Variants in VIPR2 observed in about 807,000 individuals in gnomAD.
The protein encoded by VIPR2 is vasoactive intestinal peptide receptor 2.
A neutral mutation model predicts 58.0 loss-of-function variants in VIPR2; 48 were observed. That is an observed-to-expected ratio of 0.83 (90% confidence interval 0.66 to 1.05). The LOEUF (loss-of-function observed/expected upper bound fraction) is 1.05, where lower values mean the gene tolerates loss of function less well. Among genes scored for constraint, VIPR2 ranks in the 50% least tolerant of loss-of-function variants. The pLI is 0.00. For missense variants in VIPR2, 534 were observed against 558.0 expected, an observed-to-expected ratio of 0.96 and a Z score of 0.43; for synonymous variants, 243 against 235.2, an observed-to-expected ratio of 1.03 and a Z score of -0.30.
chr7:159,117,299 G>T lies in VIPR2; in HGVS notation c.152-7380C>A, dbSNP rs568344715. Reference sequence around the variant, plus strand: ...GCTTCCTGTGACTTAATTTCTCAATGATTTTGTAATTATAAAAGCACTGGT... The same window carrying T: ...GCTTCCTGTGACTTAATTTCTCAATTATTTTGTAATTATAAAAGCACTGGT... On this transcript the variant is annotated intron_variant, in intron 2 of 12. Transcript: ENST00000262178. The T allele has an allele frequency of 8.4e-6, 6 of 717,452 alleles. No homozygotes were observed. The East Asian group carries it at 1.6e-4, about 19-fold the overall frequency. 44.4% of individuals were successfully genotyped at this position (717,452 alleles called of 1,614,324 possible). A position where few individuals can be genotyped will look rare whatever the true frequency, so the allele number is the denominator to read the frequency against.
At chr7:159,082,149 T>C (rs1219563834) in intron 4 of VIPR2, among the ~76,000 whole-genome samples, 1 of 152,198 alleles carries the variant, frequency 6.6e-6, no homozygotes, top group Non-Finnish European at 1.5e-5. Flanking sequence ...CATGCTGCTA[T>C]AAAGACACAT....
chr7:159,127,010 C>G lies in VIPR2; in HGVS notation c.151+15436G>C, dbSNP rs1796675923. 6.6e-6 allele frequency among the ~76,000 whole-genome samples: 1 copy of G among 152,174 alleles called. No homozygotes were observed. The highest frequency in any genetic ancestry group is 6.5e-5 in the Admixed American group (1 of 15,280). On this transcript the variant is annotated intron_variant, in intron 2 of 12. Coordinates refer to ENST00000262178, the MANE Select transcript of VIPR2 (RefSeq NM_003382.5). The surrounding 1 kb of genome is among the most constrained non-coding windows in gnomAD (Gnocchi z 4.6). ...TAACATCCCCCTGGCTGGCAAGAGTCCCCTCCTGGTCCCTAAGAGAAACAG... is the reference window on the plus strand; with the variant it reads ...TAACATCCCCCTGGCTGGCAAGAGTGCCCTCCTGGTCCCTAAGAGAAACAG...
Position 159,031,566 on chromosome 7 carries a change from C to A in VIPR2, c.1143+262G>T. 1.0e-6 allele frequency: 1 copy of A among 985,400 alleles called. No individual in the cohort carries two copies. The highest frequency in any genetic ancestry group is 1.7e-5 in the African/African-American group (1 of 57,366). The allele number at this position is 985,400 out of a possible 1,614,324, so 61.0% of individuals were successfully genotyped here. On this transcript the variant is annotated intron_variant, in intron 12 of 12. Coordinates refer to ENST00000262178, the MANE Select transcript of VIPR2 (RefSeq NM_003382.5). This position sits in a 1 kb window ranked among gnomAD's most constrained non-coding sequence, Gnocchi z 4.0. ...TGTCTAGACCCGGCCGGGAGCTTTC[C>A]CGAGAGGGCTCCGAGACGGACGGCA... is the stretch of plus-strand genomic sequence containing the variant.
At chr7:159,066,342 T>C (rs922428920) in intron 4 of VIPR2, among the ~76,000 whole-genome samples, 2 of 151,094 alleles carry the variant, frequency 1.3e-5, no homozygotes, top group African/African-American at 4.9e-5. Context: ...ACAACGTCTG[T>C]GGGATTCCAG....
intron 2 of VIPR2, among the ~76,000 whole-genome samples, chr7:159,137,194 C>T (rs907910809): frequency 6.6e-6 from 1 of 152,176 alleles, no homozygotes; most frequent in African/African-American, 2.4e-5. Context: ...ACCCAGGCAA[C>T]AGCTCCGTTC....
intron 5 of VIPR2, among the ~76,000 whole-genome samples, chr7:159,047,916 C>T (rs1471785526): frequency 6.6e-6 from 1 of 152,050 alleles, no homozygotes; most frequent in Non-Finnish European, 1.5e-5. Context: ...AGCAAAATGA[C>T]AATATAATTT....
intron 10 of VIPR2, 25 bp downstream of exon 10, chr7:159,034,188 C>G (rs762150384): frequency 6.2e-6 from 10 of 1,610,784 alleles, no homozygotes; most frequent in Non-Finnish European, 8.5e-6. Context: ...CCATCAGGGA[C>G]GGCCAGGCCG....
intron 2 of VIPR2, among the ~76,000 whole-genome samples, chr7:159,125,613 C>T (rs1671756916): frequency 6.6e-6 from 1 of 152,168 alleles, no homozygotes; most frequent in Non-Finnish European, 1.5e-5. Context: ...TGATTTCTAC[C>T]CCCAGCCCTA....
intron 5 of VIPR2, among the ~76,000 whole-genome samples, chr7:159,047,100 T>G (rs1247402723): frequency 2.6e-5 from 4 of 152,102 alleles, no homozygotes; most frequent in Non-Finnish European, 5.9e-5. Flanking sequence ...CCGGGCTTGG[T>G]GGTGGGTGCC....
At chr7:159,117,448 G>A in intron 2 of VIPR2, 1 of 716,924 alleles carries the variant, frequency 1.4e-6, no homozygotes. Context: ...GAAACATAGT[G>A]CCGCACCACA....
intron 5 of VIPR2, among the ~76,000 whole-genome samples, chr7:159,053,225 A>G (rs549826854): frequency 6.6e-6 from 1 of 152,176 alleles, no homozygotes; most frequent in African/African-American, 2.4e-5. Context: ...CTGGGATTAT[A>G]GGCATGAGCT....
intron 2 of VIPR2, among the ~76,000 whole-genome samples, chr7:159,141,354 A>T (rs929922273): frequency 1.3e-5 from 2 of 152,282 alleles, no homozygotes; most frequent in Non-Finnish European, 2.9e-5. Flanking sequence ...GAAGCCTCGG[A>T]GGCAGAGCCT....
At position 159,099,693 on chromosome 7, in the gene VIPR2, G is replaced by T. The variant is rs778685094; in HGVS notation, c.357+4064C>A. Among the ~76,000 whole-genome samples, 1 of 152,108 alleles carries T rather than the reference G, an allele frequency of 6.6e-6. No individual in the cohort carries two copies. Among genetic ancestry groups the T allele is most frequent in the Non-Finnish European group, 1.5e-5 (1 of 68,002 alleles). ...CTAATGTCTCCCAGGCACAGTTGCC[G>T]GCTAGGTGCAGACGAAGATGAAGAC... On this transcript the variant is annotated intron_variant, in intron 4 of 12. Coordinates refer to ENST00000262178, the MANE Select transcript of VIPR2 (RefSeq NM_003382.5). This position sits in a 1 kb window ranked among gnomAD's most constrained non-coding sequence, Gnocchi z 4.2.
At position 159,099,444 on chromosome 7, in the gene VIPR2, G is replaced by A. The variant is rs1199985630; in HGVS notation, c.357+4313C>T. 6.6e-6 allele frequency among the ~76,000 whole-genome samples: 1 copy of A among 152,158 alleles called. No individual in the cohort carries two copies. Among genetic ancestry groups the A allele is most frequent in the Non-Finnish European group, 1.5e-5 (1 of 68,028 alleles). ...GGAGGAGACAGGAGATAAGGAGCTT[G>A]GGCATGACTCTGTGGGCTGACATTG... On this transcript the variant is annotated intron_variant, in intron 4 of 12. Transcript: ENST00000262178. This position sits in a 1 kb window ranked among gnomAD's most constrained non-coding sequence, Gnocchi z 4.2.
intron 4 of VIPR2, among the ~76,000 whole-genome samples, chr7:159,065,968 CAT>C (rs1856055213): frequency 6.6e-6 from 1 of 152,274 alleles, no homozygotes; most frequent in South Asian, 2.1e-4. Flanking sequence ...TTTAACCCAA[CAT>C]GTGTTAGAGA....
intron 6 of VIPR2, 150 bp downstream of exon 6, chr7:159,042,885 C>A: frequency 1.7e-6 from 2 of 1,158,574 alleles, no homozygotes; most frequent in Non-Finnish European, 2.3e-6. Context: ...TGTTCTGGCC[C>A]CAGCCTCTCT....
At chr7:159,144,489 G>A (rs987183414) in intron 1 of VIPR2, 2 of 1,538,692 alleles carry the variant, frequency 1.3e-6, no homozygotes, top group South Asian at 1.2e-5. Flanking sequence ...GCGCGGGGAA[G>A]GGCGCAGGCA....
Position 159,097,285 on chromosome 7 carries a change from A to G in VIPR2, c.357+6472T>C. 2 of 1,353,438 alleles carry G rather than the reference A, an allele frequency of 1.5e-6. No homozygotes were observed. Among genetic ancestry groups the G allele is most frequent in the Non-Finnish European group, 1.9e-6 (2 of 1,052,672 alleles). The allele number at this position is 1,353,438 out of a possible 1,614,324, so 83.8% of individuals were successfully genotyped here. A position where few individuals can be genotyped will look rare whatever the true frequency, so the allele number is the denominator to read the frequency against. On this transcript the variant is annotated intron_variant, in intron 4 of 12. Transcript: ENST00000262178. The surrounding 1 kb of genome is among the most constrained non-coding windows in gnomAD (Gnocchi z 5.3). Reference sequence around the variant, plus strand: ...CTTATTTTTAGGGATGTGGCGTAACACGGAAGAAATGTGTGCACTTGAAGC... The same window carrying G: ...CTTATTTTTAGGGATGTGGCGTAACGCGGAAGAAATGTGTGCACTTGAAGC...
intron 4 of VIPR2, among the ~76,000 whole-genome samples, chr7:159,086,642 G>A (rs1182751879): frequency 1.3e-5 from 2 of 152,220 alleles, no homozygotes; most frequent in Non-Finnish European, 2.9e-5. Context: ...TGGGCCACCT[G>A]GGTGTGACAG....
Sources: gnomAD v4.1 joint callset for allele counts (sites outside exome capture counted in the v4.1 genomes callset) on GRCh38, gnomAD v4.1.1 for gene constraint, Gnocchi (gnomAD v3.1) non-coding constraint, MANE v1.5 for transcripts, NCBI Gene and HGNC (gene_info 2026-07-23, HGNC 2026-07-21) for gene names.